UBE2D3: variants seen among roughly 807,000 people sequenced by gnomAD.
The protein encoded by UBE2D3 is ubiquitin-conjugating enzyme E2 D3.
Under a neutral mutation model 22.8 loss-of-function variants are expected in UBE2D3, and 2 were observed. That is an observed-to-expected ratio of 0.09 (90% confidence interval 0.04 to 0.28). The LOEUF (loss-of-function observed/expected upper bound fraction) is 0.28, where lower values mean the gene tolerates loss of function less well. Ranked by LOEUF, UBE2D3 falls within the 10% of genes least tolerant of loss-of-function variation. The pLI, the probability that UBE2D3 is intolerant of heterozygous loss-of-function variation, is 1.00. For missense variants in UBE2D3, 27 were observed against 182.5 expected (o/e 0.15, Z 4.91); for synonymous variants, 56 against 60.4 (o/e 0.93, Z 0.34).
chr4:102,809,890 G>A, intron 2 of UBE2D3, 35 bp from the exon 3 acceptor site: 1 of 1,581,496 alleles, frequency 6.3e-7, no homozygotes, highest in Non-Finnish European at 8.5e-7. Context: ...AGTCACATAA[G>A]CTTAATTTAA....
chr4:102,819,902 A>G (rs540031295), intron 2 of UBE2D3, among the ~76,000 whole-genome samples: 7 of 152,244 alleles, frequency 4.6e-5, no homozygotes, highest in Admixed American at 3.3e-4. Flanking sequence ...TTTCAGAACT[A>G]AAGACAAGAT....
chr4:102,802,248 T>C (rs1301169373), intron 5 of UBE2D3: 1 of 215,006 alleles, frequency 4.7e-6, no homozygotes, highest in Non-Finnish European at 9.1e-6. Flanking sequence ...TAAATTGAAG[T>C]TGGACATTTG....
chr4:102,825,475 C>A (rs1199339231), intron 2 of UBE2D3: 1 of 1,150,250 alleles, frequency 8.7e-7, no homozygotes, highest in African/African-American at 1.6e-5. Context: ...CATATTAATT[C>A]ACATTATTAC....
intron 6 of UBE2D3, among the ~76,000 whole-genome samples, chr4:102,800,437 G>C (rs1189587404): frequency 6.6e-6 from 1 of 151,970 alleles, no homozygotes; most frequent in Non-Finnish European, 1.5e-5. Context: ...AAAAAAGTAA[G>C]TTGCTTTAAC....
At chr4:102,817,706 C>T (rs1388181802) in intron 2 of UBE2D3, among the ~76,000 whole-genome samples, 1 of 152,154 alleles carries the variant, frequency 6.6e-6, no homozygotes, top group Non-Finnish European at 1.5e-5. Flanking sequence ...TTTATTTCCG[C>T]ATAACCATCC....
At chr4:102,827,134 G>C in intron 1 of UBE2D3, 1 of 986,578 alleles carries the variant, frequency 1.0e-6, no homozygotes, top group Non-Finnish European at 1.2e-6. Flanking sequence ...TGTCACCCCT[G>C]ACGCCACCGT....
intron 1 of UBE2D3, among the ~76,000 whole-genome samples, chr4:102,857,767 T>C (rs897197429): frequency 3.3e-5 from 5 of 152,104 alleles, no homozygotes; most frequent in Admixed American, 6.6e-5. Flanking sequence ...GATCTCAGCT[T>C]ATTACAACCT....
chr4:102,846,385 A>G (rs1732042819), intron 1 of UBE2D3, among the ~76,000 whole-genome samples: 1 of 152,184 alleles, frequency 6.6e-6, no homozygotes, highest in East Asian at 1.9e-4. Flanking sequence ...ACTGAATTTA[A>G]GCCTCATCCT....
rs757746209 is a variant in UBE2D3 at position 102,826,477 on chromosome 4, C to T, written c.24+8G>A. 1 of 1,613,878 alleles carries T rather than the reference C, an allele frequency of 6.2e-7. No individual in the cohort carries two copies. The highest frequency in any genetic ancestry group is 2.2e-5 in the East Asian group (1 of 44,858). On this transcript the variant is annotated splice_region_variant and intron_variant, in intron 2 of 7. Coordinates refer to ENST00000453744, the MANE Select transcript of UBE2D3 (RefSeq NM_181891.3). ...CTACCACCCCATGCCCTTGTCCCCG[C>T]GGGTTACCTTATTAATCCGTTTCAG...
chr4:102,866,601 G>A (rs1733155624), intron 1 of UBE2D3, among the ~76,000 whole-genome samples: 2 of 152,134 alleles, frequency 1.3e-5, no homozygotes, highest in Admixed American at 6.5e-5. Context: ...AAAACTGCTT[G>A]GAGGTCTTAT....
chr4:102,799,139 T>G (rs1480024839), intron 7 of UBE2D3, among the ~76,000 whole-genome samples: 1 of 151,942 alleles, frequency 6.6e-6, no homozygotes, highest in Admixed American at 6.6e-5. Context: ...AAAATTTGCT[T>G]TCTTCCCCAA....
upstream of UBE2D3, among the ~76,000 whole-genome samples, chr4:102,828,542 G>GT (rs1225708967): frequency 1.3e-5 from 2 of 152,228 alleles, no homozygotes; most frequent in African/African-American, 4.8e-5. Flanking sequence ...GACAGAGAGA[G>GT]TTAGGGGCAG....
At chr4:102,817,799 T>C (rs568733310) in intron 2 of UBE2D3, among the ~76,000 whole-genome samples, 1 of 152,298 alleles carries the variant, frequency 6.6e-6, no homozygotes, top group South Asian at 2.1e-4. Context: ...AAAATGATTC[T>C]ATCCCACAGC....
rs1470795743 is a variant in UBE2D3, at chr4:102,794,779, A to T, written c.*2636T>A. ...ACAAGAAAGCAAATTAATCAGTTTT[A>T]AAAAATCTGATTATCACATTGCAAA... On this transcript the variant is annotated 3_prime_UTR_variant, in exon 8 of 8. Transcript: ENST00000453744. The T allele has an allele frequency of 2.0e-5, 3 of 152,076 alleles. No individual in the cohort carries two copies. The highest frequency in any genetic ancestry group is 2.1e-4 in the South Asian group (1 of 4,836). The allele number at this position is 152,076 out of a possible 1,614,324, so 9.4% of individuals were successfully genotyped here. A position where few individuals can be genotyped will look rare whatever the true frequency, so the allele number is the denominator to read the frequency against.
intron 4 of UBE2D3, among the ~76,000 whole-genome samples, chr4:102,804,465 A>C (rs961948918): frequency 6.6e-6 from 1 of 151,936 alleles, no homozygotes; most frequent in African/African-American, 2.4e-5. Flanking sequence ...GTCCTTTTTC[A>C]TATTTTCTAC....
chr4:102,813,843 T>C (rs1728411895), intron 2 of UBE2D3, among the ~76,000 whole-genome samples: 1 of 152,120 alleles, frequency 6.6e-6, no homozygotes. Context: ...ATATTCAAAA[T>C]ACACTTCAGA....
intron 1 of UBE2D3, among the ~76,000 whole-genome samples, chr4:102,834,784 T>C (rs896203093): frequency 1.3e-5 from 2 of 150,202 alleles, no homozygotes; most frequent in African/African-American, 4.9e-5. Context: ...TTTTTTTTTG[T>C]CTTTTGTTTG....
chr4:102,831,466 C>T (rs1490184616), upstream of UBE2D3, among the ~76,000 whole-genome samples: 1 of 152,112 alleles, frequency 6.6e-6, no homozygotes, highest in African/African-American at 2.4e-5. Flanking sequence ...CACAAATGTT[C>T]AGAGTAGGGC....
Position 102,797,138 on chromosome 4 carries a change from T to G in UBE2D3, c.*277A>C, listed in dbSNP as rs1725348389. On this transcript the variant is annotated 3_prime_UTR_variant, in exon 8 of 8. Transcript: ENST00000453744. ...TAGAGTGAAGACATTGGCCACATAA[T>G]ACACATGCTCCATTTTTTTTTTTAA... 1 of 320,918 alleles carries G rather than the reference T, an allele frequency of 3.1e-6. No homozygotes were observed. The highest frequency in any genetic ancestry group is 6.1e-5 in the South Asian group (1 of 16,330). 19.9% of individuals were successfully genotyped at this position (320,918 alleles called of 1,614,324 possible).
Sources: gnomAD v4.1 joint callset for allele counts (sites outside exome capture counted in the v4.1 genomes callset) on GRCh38, gnomAD v4.1.1 for gene constraint, MANE v1.5 for transcripts, NCBI Gene and HGNC (gene_info 2026-07-23, HGNC 2026-07-21) for gene names.